The following VIT variants were observed in gnomAD, a reference collection of about 807,000 sequenced individuals.
VIT encodes the protein vitrin.
VIT carries 99 observed loss-of-function variants against 78.0 expected under a neutral mutation model. The observed-to-expected ratio is 1.27, with a 90% CI of 1.08 to 1.50. VIT has a LOEUF of 1.50. VIT is among the 40% of genes most tolerant of loss of function. The pLI, the probability that VIT is intolerant of heterozygous loss-of-function variation, is 0.00. For synonymous variants in VIT, 374 were observed against 334.3 expected, an observed-to-expected ratio of 1.12 and a Z score of -1.29; for missense variants, 1,126 against 875.3, an observed-to-expected ratio of 1.29 and a Z score of -3.61.
In VIT at chr2:36,808,471, G is replaced by A. The variant is rs1349508924; in HGVS notation, c.1390-1G>A. 1 of 1,600,258 alleles carries A rather than the reference G, an allele frequency of 6.2e-7. No homozygotes were observed. Among genetic ancestry groups the A allele is most frequent in the Non-Finnish European group, 8.5e-7 (1 of 1,169,788 alleles). On this transcript the variant is annotated splice_acceptor_variant, in intron 14 of 15. Coordinates refer to ENST00000379242, the MANE Select transcript of VIT (RefSeq NM_053276.4). LOFTEE classifies it high-confidence loss of function. ...GTGGGTCCCTCCCCTCTGTCTTCTA[G>A]GCCGTGTGCAGAACAAACGGCTTCT... is the stretch of plus-strand genomic sequence containing the variant.
chr2:36,791,526 G>A (rs1442703132), intron 12 of VIT, among the ~76,000 whole-genome samples: 3 of 152,180 alleles, frequency 2.0e-5, no homozygotes, highest in African/African-American at 7.2e-5. Flanking sequence ...GGGTTCTCCC[G>A]GATTATAGGG....
intron 12 of VIT, among the ~76,000 whole-genome samples, chr2:36,800,807 A>G (rs1331148130): frequency 6.6e-6 from 1 of 152,198 alleles, no homozygotes; most frequent in African/African-American, 2.4e-5. Flanking sequence ...ACCCGGTTGC[A>G]GGATGAGAAG....
At chr2:36,804,597 C>T (rs1388016095) in intron 13 of VIT, among the ~76,000 whole-genome samples, 2 of 152,052 alleles carry the variant, frequency 1.3e-5, no homozygotes, top group Non-Finnish European at 2.9e-5. Flanking sequence ...TTTGGGAGGC[C>T]GAGGCAGGCA....
At chr2:36,791,525 C>T (rs533517034) in intron 12 of VIT, among the ~76,000 whole-genome samples, 3 of 152,240 alleles carry the variant, frequency 2.0e-5, no homozygotes, top group Admixed American at 6.5e-5. Context: ...GGGGTTCTCC[C>T]GGATTATAGG....
chr2:36,806,143 G>A (rs1156975369), intron 14 of VIT, among the ~76,000 whole-genome samples: 2 of 152,190 alleles, frequency 1.3e-5, no homozygotes, highest in African/African-American at 4.8e-5. Flanking sequence ...GTTCTGTGGA[G>A]ATGCCCAGCA....
chr2:36,770,948 CCTT>C (rs1669712812), intron 7 of VIT, among the ~76,000 whole-genome samples: 1 of 152,182 alleles, frequency 6.6e-6, no homozygotes, highest in African/African-American at 2.4e-5. Context: ...CTGGGCTCCA[CCTT>C]CTGACCAAGG....
chr2:36,716,434 T>C lies in VIT; in HGVS notation c.52+12T>C. On this transcript the variant is annotated intron_variant, in intron 2 of 15. Transcript: ENST00000379242. ...TGAAATGTTCCTTGGTAAGTACTTT[T>C]ATATGTGTATCTGGATACCCTTTTA... 3 of 1,613,298 alleles carry C rather than the reference T, an allele frequency of 1.9e-6. No homozygotes were observed. Among genetic ancestry groups the C allele is most frequent in the Non-Finnish European group, 2.5e-6 (3 of 1,179,510 alleles).
intron 9 of VIT, among the ~76,000 whole-genome samples, chr2:36,775,732 G>A (rs1471385836): frequency 6.6e-6 from 1 of 151,964 alleles, no homozygotes; most frequent in Non-Finnish European, 1.5e-5. Flanking sequence ...CATCATCCCT[G>A]CAACTTTGCT....
At chr2:36,809,269 C>CT (rs1475940858) in intron 15 of VIT, among the ~76,000 whole-genome samples, 2 of 152,134 alleles carry the variant, frequency 1.3e-5, no homozygotes, top group Non-Finnish European at 2.9e-5. Context: ...ATCCTGCACC[C>CT]TGAGGCATTT....
At chr2:36,810,949 A>G (rs1312951278) in intron 15 of VIT, among the ~76,000 whole-genome samples, 3 of 152,118 alleles carry the variant, frequency 2.0e-5, no homozygotes, top group African/African-American at 7.2e-5. Context: ...GCCTACATTT[A>G]ATTTCAGTTA....
intron 3 of VIT, among the ~76,000 whole-genome samples, chr2:36,731,702 A>G (rs745477526): frequency 2.6e-5 from 4 of 152,212 alleles, no homozygotes; most frequent in African/African-American, 4.8e-5. Flanking sequence ...ACACTCAAAT[A>G]TTGTAAGCAC....
At chr2:36,715,299 G>A (rs1216266802) in intron 1 of VIT, among the ~76,000 whole-genome samples, 1 of 152,124 alleles carries the variant, frequency 6.6e-6, no homozygotes, top group Admixed American at 6.5e-5. Context: ...CAGCACTTTG[G>A]GAGGCCGAGG....
At chr2:36,749,559 C>T (rs1408588103) in intron 4 of VIT, among the ~76,000 whole-genome samples, 1 of 152,168 alleles carries the variant, frequency 6.6e-6, no homozygotes, top group African/African-American at 2.4e-5. Flanking sequence ...TTCCTCTGTG[C>T]AGTTTCTACT....
intron 11 of VIT, among the ~76,000 whole-genome samples, chr2:36,786,338 CT>C (rs1344840414): frequency 2.6e-5 from 4 of 152,188 alleles, no homozygotes; most frequent in African/African-American, 9.7e-5. Context: ...GATATCATTC[CT>C]GTCTACCGCA....
At chr2:36,698,424 A>G (rs1323438313) in intron 1 of VIT, among the ~76,000 whole-genome samples, 1 of 152,248 alleles carries the variant, frequency 6.6e-6, no homozygotes, top group African/African-American at 2.4e-5. Context: ...AATACAGGAA[A>G]GCAGTATGGT....
rs548275094 is a variant in VIT at position 36,720,769 on chromosome 2, G to A, written c.52+4347G>A. 3.9e-5 allele frequency among the ~76,000 whole-genome samples: 6 copies of A among 152,296 alleles called. No individual in the cohort carries two copies. In the East Asian group the frequency reaches 1.2e-3, roughly 29 times the overall value. ...CATGCCTGTAATCCCAGCACTTTGGGAGGCCAAGGTGGGTGGATCACCTGA... is the reference window on the plus strand; with the variant it reads ...CATGCCTGTAATCCCAGCACTTTGGAAGGCCAAGGTGGGTGGATCACCTGA... On this transcript the variant is annotated intron_variant, in intron 2 of 15. Coordinates refer to ENST00000379242, the MANE Select transcript of VIT (RefSeq NM_053276.4).
Position 36,759,008 on chromosome 2 carries a change from T to C in VIT, c.449T>C (p.Leu150Pro). 1 of 1,614,182 alleles carries C rather than the reference T, an allele frequency of 6.2e-7. No homozygotes were observed. Among genetic ancestry groups the C allele is most frequent in the Non-Finnish European group, 8.5e-7 (1 of 1,180,036 alleles). The change falls in exon 6 of 16, where the codon CTT becomes CCT. Residue 150 changes from leucine to proline, a missense_variant. Coordinates refer to ENST00000379242, the MANE Select transcript of VIT (RefSeq NM_053276.4). ...PKKGVTYPSA[L>P]TYSSSKSPAA... ...AAGGGTGTAACCTACCCATCAGCTC[T>C]TACATACTCATCATCGAAAAGTCCA...
chr2:36,777,364 T>A (rs1442533385), intron 9 of VIT, among the ~76,000 whole-genome samples: 1 of 152,044 alleles, frequency 6.6e-6, no homozygotes, highest in Admixed American at 6.5e-5. Flanking sequence ...TTATATCTCA[T>A]CTTTTCCAGG....
In VIT at chr2:36,735,344, A is replaced by G. The variant is rs187404266; in HGVS notation, c.118+5853A>G. 3.0e-4 allele frequency among the ~76,000 whole-genome samples: 45 copies of G among 152,298 alleles called. No homozygotes were observed. The East Asian group carries it at 8.5e-3, about 29-fold the overall frequency. ...TATGTGCTCAGTTGTATTGGATACAATTTTATCCCACCATATTTGGCTTAT... is the reference window on the plus strand; with the variant it reads ...TATGTGCTCAGTTGTATTGGATACAGTTTTATCCCACCATATTTGGCTTAT... On this transcript the variant is annotated intron_variant, in intron 3 of 15. Transcript: ENST00000379242.
Sources: allele counts gnomAD v4.1 joint callset (sites outside exome capture counted in the v4.1 genomes callset), GRCh38; gene constraint gnomAD v4.1.1; transcripts MANE v1.5; gene names NCBI Gene and HGNC (gene_info 2026-07-23, HGNC 2026-07-21).